Variants in LMCD1 observed in about 807,000 individuals in gnomAD.
LMCD1 encodes the protein LIM and cysteine-rich domains protein 1.
In LMCD1, 32 loss-of-function variants were observed where a neutral mutation model predicts 42.7. The ratio of observed to expected loss-of-function variants is 0.75; its 90% CI spans 0.57 to 1.01. The LOEUF is 1.01. LMCD1 is among the 50% of genes least tolerant of loss of function. The pLI is 0.00. For missense variants in LMCD1, 458 were observed against 483.1 expected, an observed-to-expected ratio of 0.95 and a Z score of 0.49; for synonymous variants, 178 against 184.9, an observed-to-expected ratio of 0.96 and a Z score of 0.30.
intron 1 of LMCD1, among the ~76,000 whole-genome samples, chr3:8,503,359 G>C (rs1329454589): frequency 6.6e-6 from 1 of 152,108 alleles, no homozygotes; most frequent in Non-Finnish European, 1.5e-5. Context: ...CTAAATGTGG[G>C]TACCAAGTCA....
chr3:8,548,939 C>T (rs1002234474), intron 4 of LMCD1, 36 bp downstream of exon 4: 13 of 1,437,000 alleles, frequency 9.0e-6, no homozygotes, highest in Admixed American at 2.6e-5. Flanking sequence ...AGGCTGAAAC[C>T]ATGCAGGCCC....
Position 8,534,743 on chromosome 3 carries a change from G to T in LMCD1, c.131+1918G>T, listed in dbSNP as rs1169446799. Among the ~76,000 whole-genome samples, 5 of 152,308 alleles carry T rather than the reference G, an allele frequency of 3.3e-5. No individual in the cohort carries two copies. In the East Asian group the frequency reaches 9.6e-4, roughly 29 times the overall value. On this transcript the variant is annotated intron_variant, in intron 2 of 5. Coordinates refer to ENST00000157600, the MANE Select transcript of LMCD1 (RefSeq NM_014583.4). ...CCAATGACAGATTACAGAAATGGCT[G>T]TTTTAATACCGTTGAGGATATTTTG...
rs963130745 is a variant in LMCD1 at position 8,568,734 on chromosome 3, G to C, written c.*1136G>C. The C allele has an allele frequency of 3.3e-5, 5 of 152,122 alleles. No homozygotes were observed. The highest frequency in any genetic ancestry group is 5.9e-5 in the Non-Finnish European group (4 of 68,014). 9.4% of individuals were successfully genotyped at this position (152,122 alleles called of 1,614,324 possible). On this transcript the variant is annotated 3_prime_UTR_variant, in exon 6 of 6. Coordinates refer to ENST00000157600, the MANE Select transcript of LMCD1 (RefSeq NM_014583.4). ...TTTATGGTCTCTCTGAACATTTTCA[G>C]CTCTTAAATTAATTTCTTTCCCACA...
chr3:8,559,546 A>T (rs556919713), intron 4 of LMCD1, among the ~76,000 whole-genome samples: 1 of 152,204 alleles, frequency 6.6e-6, no homozygotes, highest in African/African-American at 2.4e-5. Flanking sequence ...CTGACTTGGT[A>T]TCTCCCCTCT....
chr3:8,502,607 C>T (rs1693784240), intron 1 of LMCD1, among the ~76,000 whole-genome samples: 1 of 137,864 alleles, frequency 7.3e-6, no homozygotes, highest in Non-Finnish European at 1.6e-5. Flanking sequence ...CACACACACA[C>T]GCACGCAGTT....
At chr3:8,514,761 C>T (rs1694067694) in intron 1 of LMCD1, among the ~76,000 whole-genome samples, 1 of 152,156 alleles carries the variant, frequency 6.6e-6, no homozygotes. Context: ...AAAGAATACA[C>T]ACCGTGTAAT....
intron 1 of LMCD1, among the ~76,000 whole-genome samples, chr3:8,521,743 T>C (rs73130043): frequency 0.046 from 7,071 of 152,298 alleles, 292 homozygotes; most frequent in African/African-American, 0.1. Context: ...AGAGCACTCA[T>C]GGTGTCTTCT....
At chr3:8,521,504 C>A (rs1694204189) in intron 1 of LMCD1, among the ~76,000 whole-genome samples, 1 of 152,206 alleles carries the variant, frequency 6.6e-6, no homozygotes, top group Admixed American at 6.5e-5. Context: ...GGAGAAGGAG[C>A]CCAGCCTGCG....
intron 3 of LMCD1, among the ~76,000 whole-genome samples, chr3:8,547,746 A>AGCCGGGC (rs59400496): frequency 0.94 from 142,225 of 151,626 alleles, 66,818 homozygotes; most frequent in East Asian, 1. Context: ...CAAAAAAATT[A>AGCCGGGC]GCAGTGGCGG....
In LMCD1 at chr3:8,518,292, T is replaced by C. The variant is rs891666590; in HGVS notation, c.43-14445T>C. On this transcript the variant is annotated intron_variant, in intron 1 of 5. Coordinates refer to ENST00000157600, the MANE Select transcript of LMCD1 (RefSeq NM_014583.4). ...TTACTGACTCACTGATTGCCTTGAG[T>C]TTTCACGATTTCCCAGTGCTTGTCT... is the stretch of plus-strand genomic sequence containing the variant. 2.0e-5 allele frequency among the ~76,000 whole-genome samples: 3 copies of C among 152,120 alleles called. No individual in the cohort carries two copies. The East Asian group carries it at 5.8e-4, about 29-fold the overall frequency.
chr3:8,520,307 A>T (rs958305852), intron 1 of LMCD1, among the ~76,000 whole-genome samples: 12 of 152,222 alleles, frequency 7.9e-5, no homozygotes, highest in Admixed American at 2.0e-4. Flanking sequence ...GGAGCATCTT[A>T]TAAAACTAGG....
At chr3:8,542,248 C>T (rs1391861435) in intron 3 of LMCD1, among the ~76,000 whole-genome samples, 1 of 151,860 alleles carries the variant, frequency 6.6e-6, no homozygotes, top group Non-Finnish European at 1.5e-5. Flanking sequence ...GCCATCTGCC[C>T]GCCTTGGCCT....
intron 4 of LMCD1, among the ~76,000 whole-genome samples, chr3:8,561,387 T>G (rs1387963944): frequency 2.6e-5 from 4 of 152,142 alleles, no homozygotes; most frequent in Admixed American, 2.0e-4. Flanking sequence ...CAGAGTTTTT[T>G]TTTTTTTTTT....
intron 3 of LMCD1, among the ~76,000 whole-genome samples, chr3:8,545,562 T>C (rs1329707411): frequency 6.6e-6 from 1 of 152,192 alleles, no homozygotes; most frequent in Non-Finnish European, 1.5e-5. Context: ...ATTTTTTTGT[T>C]TGCCAGTATT....
intron 1 of LMCD1, among the ~76,000 whole-genome samples, chr3:8,516,734 T>C (rs2125014049): frequency 6.6e-6 from 1 of 152,366 alleles, no homozygotes; most frequent in South Asian, 2.1e-4. Context: ...TGTTGGTTGA[T>C]ATTTTTAAAA....
chr3:8,515,181 C>A (rs1694076740), intron 1 of LMCD1, among the ~76,000 whole-genome samples: 1 of 152,150 alleles, frequency 6.6e-6, no homozygotes, highest in African/African-American at 2.4e-5. Flanking sequence ...GCCACCAGGA[C>A]CCTTTCAAAT....
chr3:8,559,569 G>A (rs575090253), intron 4 of LMCD1, among the ~76,000 whole-genome samples: 1 of 152,306 alleles, frequency 6.6e-6, no homozygotes, highest in East Asian at 1.9e-4. Context: ...GCCACCTGTT[G>A]CAATTTAGAA....
intron 3 of LMCD1, among the ~76,000 whole-genome samples, chr3:8,540,496 A>T (rs934289637): frequency 8.5e-5 from 13 of 152,246 alleles, no homozygotes; most frequent in Non-Finnish European, 1.6e-4. Context: ...CCAATGTCCC[A>T]CAGCCGATGT....
intron 2 of LMCD1, among the ~76,000 whole-genome samples, chr3:8,535,116 A>G (rs988409021): frequency 2.0e-5 from 3 of 152,120 alleles, no homozygotes; most frequent in Non-Finnish European, 4.4e-5. Context: ...ATGTCCCTCT[A>G]TGCCAGGATT....
Sources: allele counts gnomAD v4.1 joint callset (sites outside exome capture counted in the v4.1 genomes callset), GRCh38; gene constraint gnomAD v4.1.1; transcripts MANE v1.5; gene names NCBI Gene and HGNC (gene_info 2026-07-23, HGNC 2026-07-21).